RELL1: variants seen among roughly 807,000 people sequenced by gnomAD.
RELL1 encodes the protein RELT like 1.
RELL1 carries 10 observed loss-of-function variants against 23.0 expected under a neutral mutation model. The ratio of observed to expected loss-of-function variants is 0.43; its 90% CI spans 0.27 to 0.74. RELL1 has a LOEUF of 0.74. RELL1 is among the 30% of genes least tolerant of loss of function. The pLI is 0.19. For synonymous variants in RELL1, 146 were observed against 146.8 expected (o/e 0.99, Z 0.04); for missense variants, 315 against 364.4 (o/e 0.86, Z 1.10).
chr4:37,612,401 C>T lies in RELL1; in HGVS notation c.*945G>A, dbSNP rs1719433084. On this transcript the variant is annotated 3_prime_UTR_variant, in exon 7 of 7. Transcript: ENST00000454158. ...CTATATTCCCAGCACTTTGGGAGGC[C>T]GAGGCGGGTAGATCGCCTGAGGTCA... Among the ~76,000 whole-genome samples the T allele has an allele frequency of 6.6e-6, 1 of 151,092 alleles. No homozygotes were observed. Among genetic ancestry groups the T allele is most frequent in the Non-Finnish European group, 1.5e-5 (1 of 67,810 alleles).
At chr4:37,602,228 A>AC (rs1719034532) in intron 6 of RELL1, among the ~76,000 whole-genome samples, 1 of 140,730 alleles carries the variant, frequency 7.1e-6, no homozygotes, top group East Asian at 2.8e-4. Context: ...AACCAAAAAA[A>AC]AAAAAAAAAA....
At chr4:37,621,349 G>A (rs1719759648) in intron 6 of RELL1, among the ~76,000 whole-genome samples, 1 of 151,992 alleles carries the variant, frequency 6.6e-6, no homozygotes, top group Admixed American at 6.6e-5. Context: ...CTAGCTACTC[G>A]GGAGGCTGAG....
chr4:37,649,873 C>T (rs1454299889), intron 1 of RELL1, among the ~76,000 whole-genome samples: 1 of 152,200 alleles, frequency 6.6e-6, no homozygotes, highest in Non-Finnish European at 1.5e-5. Context: ...TGTAACATTA[C>T]AAATATTACA....
downstream of RELL1, chr4:37,588,908 G>A (rs1377905833): frequency 6.2e-7 from 1 of 1,608,602 alleles, no homozygotes; most frequent in East Asian, 2.2e-5. Flanking sequence ...AGGTAAAGCT[G>A]GAGAAATACT....
At chr4:37,633,072 T>C (rs1720195155) in intron 5 of RELL1, among the ~76,000 whole-genome samples, 1 of 152,160 alleles carries the variant, frequency 6.6e-6, no homozygotes, top group African/African-American at 2.4e-5. Context: ...GCGCTCCTAG[T>C]ATCCAATATC....
intron 1 of RELL1, among the ~76,000 whole-genome samples, chr4:37,651,406 T>A (rs17577690): frequency 0.093 from 14,227 of 152,276 alleles, 806 homozygotes; most frequent in East Asian, 0.24. Flanking sequence ...ATTTGGAATA[T>A]CCTGACTCTG....
intron 6 of RELL1, among the ~76,000 whole-genome samples, chr4:37,618,628 G>C (rs1719656078): frequency 6.6e-6 from 1 of 152,188 alleles, no homozygotes; most frequent in Admixed American, 6.5e-5. Flanking sequence ...TGTATTTAAA[G>C]ATGCTTCCAG....
At chr4:37,652,033 G>A (rs1030885154) in intron 1 of RELL1, among the ~76,000 whole-genome samples, 2 of 152,210 alleles carry the variant, frequency 1.3e-5, no homozygotes, top group African/African-American at 4.8e-5. Flanking sequence ...CCAGCCAGGA[G>A]GTCCCCAGTT....
At chr4:37,647,570 C>G (rs751095055) in intron 2 of RELL1, 131 bp from the exon 3 acceptor site, 76 of 605,562 alleles carry the variant, frequency 1.3e-4, no homozygotes, top group Non-Finnish European at 2.0e-4. Context: ...TGCTACAATT[C>G]TAGGCTTTCT....
intron 1 of RELL1, among the ~76,000 whole-genome samples, chr4:37,684,522 T>C (rs904741605): frequency 3.9e-5 from 6 of 152,188 alleles, no homozygotes; most frequent in African/African-American, 1.2e-4. Context: ...TTTTTAATAA[T>C]TTTACTCCCA....
At chr4:37,626,999 T>TTGCTAAGAGAG (rs1424832613) in intron 6 of RELL1, among the ~76,000 whole-genome samples, 2 of 152,142 alleles carry the variant, frequency 1.3e-5, no homozygotes, top group African/African-American at 4.8e-5. Context: ...TTCTTAAAAA[T>TTGCTAAGAGAG]TGCTAAGAGA....
chr4:37,616,071 C>A (rs1334871951), intron 6 of RELL1, among the ~76,000 whole-genome samples: 1 of 152,110 alleles, frequency 6.6e-6, no homozygotes, highest in Non-Finnish European at 1.5e-5. Flanking sequence ...ATGCTAAAAT[C>A]TCTAAGTGTA....
At chr4:37,644,155 T>C (rs541051225) in intron 3 of RELL1, among the ~76,000 whole-genome samples, 1 of 151,552 alleles carries the variant, frequency 6.6e-6, no homozygotes, top group African/African-American at 2.4e-5. Context: ...AAGGCTACTT[T>C]CCAAAAGGAA....
intron 1 of RELL1, among the ~76,000 whole-genome samples, chr4:37,670,042 T>A (rs1201080748): frequency 1.3e-4 from 14 of 111,988 alleles, no homozygotes; most frequent in South Asian, 8.2e-4. Context: ...AATAAAAAAA[T>A]AAATAAATAA....
At chr4:37,637,868 C>T (rs1720387259) in intron 4 of RELL1, among the ~76,000 whole-genome samples, 1 of 152,202 alleles carries the variant, frequency 6.6e-6, no homozygotes, top group African/African-American at 2.4e-5. Context: ...TAGCTCCAAA[C>T]CAGCTTGTTC....
intron 4 of RELL1, among the ~76,000 whole-genome samples, chr4:37,636,370 C>G (rs934289090): frequency 1.3e-5 from 2 of 152,068 alleles, no homozygotes; most frequent in Non-Finnish European, 2.9e-5. Flanking sequence ...CCGAAGCGGG[C>G]AGATCACGAG....
At chr4:37,598,302 A>G (rs1277331361) in intron 6 of RELL1, among the ~76,000 whole-genome samples, 3 of 147,744 alleles carry the variant, frequency 2.0e-5, no homozygotes, top group African/African-American at 7.4e-5. Flanking sequence ...GGAAGAAAAT[A>G]TATAGAGAAA....
At chr4:37,600,780 C>CGTGTGTGTGTGTGTGT (rs71189087) in intron 6 of RELL1, among the ~76,000 whole-genome samples, 496 of 147,670 alleles carry the variant, frequency 3.4e-3, no homozygotes, top group African/African-American at 8.9e-3. Context: ...TGGATTTGTG[C>CGTGTGTGTGTGTGTGT]GTGTGTGTGT....
chr4:37,590,505 G>T (rs1577546796), downstream of RELL1: 1 of 1,614,024 alleles, frequency 6.2e-7, no homozygotes, highest in East Asian at 2.2e-5. Flanking sequence ...GTGTGCTGCT[G>T]GCCTCAGAAG....
Sources: allele counts gnomAD v4.1 joint callset (sites outside exome capture counted in the v4.1 genomes callset), GRCh38; gene constraint gnomAD v4.1.1; transcripts MANE v1.5; gene names NCBI Gene and HGNC (gene_info 2026-07-23, HGNC 2026-07-21).